RASAL2: variants seen among roughly 807,000 people sequenced by gnomAD.
RASAL2 encodes the protein ras GTPase-activating protein nGAP.
RASAL2 carries 58 observed loss-of-function variants against 128.9 expected under a neutral mutation model. That is an observed-to-expected ratio of 0.45 (90% confidence interval 0.36 to 0.56). The LOEUF (loss-of-function observed/expected upper bound fraction) is 0.56, where lower values mean the gene tolerates loss of function less well. Among genes scored for constraint, RASAL2 ranks in the 20% least tolerant of loss-of-function variants. RASAL2 has a pLI of 0.00. For missense variants in RASAL2, 1,360 were observed against 1,601.6 expected, an observed-to-expected ratio of 0.85 and a Z score of 2.57; for synonymous variants, 561 against 580.8, an observed-to-expected ratio of 0.97 and a Z score of 0.49.
chr1:178,124,996 A>G (rs757121708), intron 1 of RASAL2, among the ~76,000 whole-genome samples: 4 of 152,214 alleles, frequency 2.6e-5, no homozygotes, highest in South Asian at 2.1e-4. Flanking sequence ...TGAAAATGTT[A>G]TATCTCATAC....
chr1:178,277,037 A>G (rs1666549506), intron 1 of RASAL2, among the ~76,000 whole-genome samples: 1 of 150,326 alleles, frequency 6.7e-6, no homozygotes, highest in Non-Finnish European at 1.5e-5. Flanking sequence ...AGTCTCAGCT[A>G]CTCGGGAGGC....
chr1:178,170,425 A>G (rs2101910052), intron 1 of RASAL2, among the ~76,000 whole-genome samples: 1 of 151,890 alleles, frequency 6.6e-6, no homozygotes, highest in Admixed American at 6.6e-5. Context: ...GTCATAGTTT[A>G]TTCTTTCATT....
chr1:178,458,690 T>G (rs1677962850), intron 14 of RASAL2, 146 bp downstream of exon 14: 3 of 1,182,588 alleles, frequency 2.5e-6, no homozygotes, highest in Non-Finnish European at 3.5e-6. Flanking sequence ...AGGAAAAATT[T>G]GGGAGGCTTC....
chr1:178,137,916 G>A (rs1185442698), intron 1 of RASAL2, among the ~76,000 whole-genome samples: 2 of 152,136 alleles, frequency 1.3e-5, no homozygotes, highest in Non-Finnish European at 2.9e-5. Context: ...CGCCATTTCT[G>A]CGTCATATTT....
At chr1:178,324,423 A>G (rs903066321) in intron 3 of RASAL2, among the ~76,000 whole-genome samples, 7 of 152,082 alleles carry the variant, frequency 4.6e-5, no homozygotes, top group Admixed American at 2.6e-4. Context: ...GGAAAAAAAA[A>G]AAAAGAAAAG....
intron 4 of RASAL2, among the ~76,000 whole-genome samples, chr1:178,407,138 A>C (rs1343072246): frequency 6.6e-6 from 1 of 152,176 alleles, no homozygotes; most frequent in African/African-American, 2.4e-5. Flanking sequence ...CAAAAAACCT[A>C]CTAGAGGATA....
At chr1:178,257,635 A>G (rs569629580) in intron 1 of RASAL2, among the ~76,000 whole-genome samples, 1 of 152,176 alleles carries the variant, frequency 6.6e-6, no homozygotes, top group Admixed American at 6.5e-5. Context: ...GCTTGAGCCC[A>G]GGAGTTCAAG....
At chr1:178,113,511 A>AGTGTGTGTGTGTGTGT (rs61642582) in intron 1 of RASAL2, among the ~76,000 whole-genome samples, 13 of 122,266 alleles carry the variant, frequency 1.1e-4, no homozygotes, top group South Asian at 6.6e-4. Context: ...CATGCCTGCG[A>AGTGTGTGTGTGTGTGT]GTGTGTGTGT....
chr1:178,313,141 G>A (rs1447267279), intron 3 of RASAL2, among the ~76,000 whole-genome samples: 1 of 152,220 alleles, frequency 6.6e-6, no homozygotes, highest in Middle Eastern at 3.4e-3. Flanking sequence ...TCTAAATAAC[G>A]TACATAGTCA....
chr1:178,357,489 A>T (rs545418181), intron 3 of RASAL2, among the ~76,000 whole-genome samples: 1 of 152,028 alleles, frequency 6.6e-6, no homozygotes, highest in East Asian at 1.9e-4. Context: ...ATGATTATAG[A>T]TTTTAATGTT....
chr1:178,096,500 G>C (rs1049022324), intron 1 of RASAL2, among the ~76,000 whole-genome samples: 4 of 151,970 alleles, frequency 2.6e-5, no homozygotes, highest in Non-Finnish European at 5.9e-5. Flanking sequence ...GAGAGAGAGA[G>C]AGTGAGAGCA....
At chr1:178,294,641 A>C (rs1667415579) in intron 2 of RASAL2, among the ~76,000 whole-genome samples, 1 of 152,230 alleles carries the variant, frequency 6.6e-6, no homozygotes, top group South Asian at 2.1e-4. Context: ...CAATCGAAAG[A>C]GAGCATGGGT....
intron 3 of RASAL2, among the ~76,000 whole-genome samples, chr1:178,322,010 T>C (rs997887461): frequency 6.6e-6 from 1 of 151,866 alleles, no homozygotes; most frequent in Non-Finnish European, 1.5e-5. Context: ...AAAATTTTTT[T>C]TTGGTAGAGA....
intron 1 of RASAL2, among the ~76,000 whole-genome samples, chr1:178,209,146 A>G (rs1663167472): frequency 6.6e-6 from 1 of 152,004 alleles, no homozygotes. Context: ...TTTATATTAA[A>G]TTATCCCACC....
chr1:178,408,273 T>A (rs1179561283), intron 4 of RASAL2, among the ~76,000 whole-genome samples: 1 of 152,230 alleles, frequency 6.6e-6, no homozygotes, highest in Non-Finnish European at 1.5e-5. Context: ...ATCAGTTTAT[T>A]TACATTCTTT....
Position 178,341,390 on chromosome 1 carries a change from G to C in RASAL2, c.457+41272G>C, listed in dbSNP as rs901177393. On this transcript the variant is annotated intron_variant, in intron 3 of 17. Transcript: ENST00000367649. ...TTAGTGCTCTCTAGCAAAAGAATGG[G>C]ATTGGGGGCGGGGTTGGGGCGAGGA... is the stretch of plus-strand genomic sequence containing the variant. 3 of 1,370,488 alleles carry C rather than the reference G, an allele frequency of 2.2e-6. No individual in the cohort carries two copies. The African/African-American group carries it at 4.4e-5, about 20-fold the overall frequency. 84.9% of individuals were successfully genotyped at this position (1,370,488 alleles called of 1,614,324 possible).
At chr1:178,446,873 C>A (rs1156596487) in intron 9 of RASAL2, among the ~76,000 whole-genome samples, 1 of 152,050 alleles carries the variant, frequency 6.6e-6, no homozygotes, top group Non-Finnish European at 1.5e-5. Context: ...TAAAAACAGA[C>A]ATTGAGCAAG....
At chr1:178,354,103 T>C (rs1161639207) in intron 3 of RASAL2, among the ~76,000 whole-genome samples, 1 of 152,240 alleles carries the variant, frequency 6.6e-6, no homozygotes, top group Admixed American at 6.5e-5. Flanking sequence ...GGAGTTTTAC[T>C]CATTATTATA....
At chr1:178,288,114 T>C (rs552470468) in intron 2 of RASAL2, among the ~76,000 whole-genome samples, 95 of 152,068 alleles carry the variant, frequency 6.2e-4, no homozygotes, top group Non-Finnish European at 1.2e-3. Flanking sequence ...GGATAAAAAT[T>C]GTATATATTC....
Sources: gnomAD v4.1 joint callset for allele counts (sites outside exome capture counted in the v4.1 genomes callset) on GRCh38, gnomAD v4.1.1 for gene constraint, MANE v1.5 for transcripts, NCBI Gene and HGNC (gene_info 2026-07-23, HGNC 2026-07-21) for gene names.